Variants in B4GALNT3 observed in about 807,000 individuals in gnomAD.
The protein encoded by B4GALNT3 is beta-1,4-N-acetylgalactosaminyltransferase 3.
Under a neutral mutation model 120.2 loss-of-function variants are expected in B4GALNT3, and 86 were observed. That is an observed-to-expected ratio of 0.72 (90% CI 0.60 to 0.86). The LOEUF (loss-of-function observed/expected upper bound fraction) is 0.86, where lower values mean the gene tolerates loss of function less well. Among genes scored for constraint, B4GALNT3 ranks in the 40% least tolerant of loss-of-function variants. The probability of loss-of-function intolerance (pLI) is 0.00; values close to 1 mark genes in which losing one functional copy is unlikely to be tolerated. For synonymous variants in B4GALNT3, 518 were observed against 510.4 expected (o/e 1.01, Z -0.20); for missense variants, 1,167 against 1,298.9 (o/e 0.90, Z 1.56).
At position 556,835 on chromosome 12, in the gene B4GALNT3, T is replaced by A. The variant is rs1261271397; in HGVS notation, c.2349T>A (p.Ser783Arg). 1 of 1,608,308 alleles carries A rather than the reference T, an allele frequency of 6.2e-7. No individual in the cohort carries two copies. Among genetic ancestry groups the A allele is most frequent in the Non-Finnish European group, 8.5e-7 (1 of 1,175,630 alleles). ...GCTGGCCTCAGGGTTTCTCCTGGAG[T>A]CACCGAGCCGTGGTCCACTTCGTCG... The part of the protein sequence containing the change: ...KLCWPQGFSW[S>R]HRAVVHFVVP... Residue 783 changes from serine (S) to arginine (R), a missense_variant, in exon 15 of 20, where the codon AGT (serine) becomes AGA (arginine). By Grantham distance (110) the Ser-to-Arg change is moderately radical. Coordinates refer to ENST00000266383, the MANE Select transcript of B4GALNT3 (RefSeq NM_173593.4).
rs963788268 is a variant in B4GALNT3, at chr12:550,494, A to C, written c.998-428A>C. 1.3e-5 allele frequency among the ~76,000 whole-genome samples: 2 copies of C among 151,610 alleles called. No individual in the cohort carries two copies. The highest frequency in any genetic ancestry group is 2.9e-5 in the Non-Finnish European group (2 of 67,936). ...ACAGAGTGAGATCCTGTCAAAAAAAACAAACAAACAAAAAAAACAACAAAG... is the reference window on the plus strand; with the variant it reads ...ACAGAGTGAGATCCTGTCAAAAAAACCAAACAAACAAAAAAAACAACAAAG... On this transcript the variant is annotated intron_variant, in intron 10 of 19. Coordinates refer to ENST00000266383, the MANE Select transcript of B4GALNT3 (RefSeq NM_173593.4). This position sits in a 1 kb window ranked among gnomAD's most constrained non-coding sequence, Gnocchi z 4.1.
rs368241742 is a variant in B4GALNT3, at chr12:473,820, GAGAC to G, written c.169+13279_169+13282del. Among the ~76,000 whole-genome samples, 103 of 152,302 alleles carry G rather than the reference GAGAC, an allele frequency of 6.8e-4. 1 individual carries two copies. The highest frequency in any genetic ancestry group is 2.3e-3 in the African/African-American group (97 of 41,570). ...CAGAGCATACATTTCTGGTGAGGAAGAGACAGAGGATAATCGCGTAAACAAACAG... is the reference window on the plus strand; with the variant it reads ...CAGAGCATACATTTCTGGTGAGGAAGAGAGGATAATCGCGTAAACAAACAG... On this transcript the variant is annotated intron_variant, in intron 1 of 19. Transcript: ENST00000266383.
chr12:518,493 A>C (rs2286780), intron 1 of B4GALNT3, among the ~76,000 whole-genome samples: 114,496 of 152,086 alleles, frequency 0.75, 43,408 homozygotes, highest in East Asian at 0.86. Context: ...CTCACTGCAG[A>C]CTCCAACTCA....
chr12:524,818 G>T (rs1946746067), intron 1 of B4GALNT3, among the ~76,000 whole-genome samples: 2 of 152,196 alleles, frequency 1.3e-5, no homozygotes, highest in Non-Finnish European at 2.9e-5. Context: ...AAGATTAAAT[G>T]AGACCATTTA....
At chr12:542,417 T>G (rs2120683646) in intron 3 of B4GALNT3, among the ~76,000 whole-genome samples, 1 of 152,298 alleles carries the variant, frequency 6.6e-6, no homozygotes, top group Admixed American at 6.5e-5. Flanking sequence ...CACTTCTTCT[T>G]ATCTGGGTGT....
At chr12:478,886 A>G (rs1465290815) in intron 1 of B4GALNT3, among the ~76,000 whole-genome samples, 4 of 152,202 alleles carry the variant, frequency 2.6e-5, no homozygotes, top group African/African-American at 9.6e-5. Flanking sequence ...TCCCTGAAGG[A>G]AGTTTGGTCC....
At chr12:509,232 G>A (rs534090281) in intron 1 of B4GALNT3, among the ~76,000 whole-genome samples, 6 of 152,328 alleles carry the variant, frequency 3.9e-5, no homozygotes, top group African/African-American at 9.6e-5. Flanking sequence ...CTCAGATCCC[G>A]CCTAGGAGGG....
rs1457662236 is a variant in B4GALNT3, at chr12:558,131, G to C, written c.2607+43G>C. The C allele has an allele frequency of 2.5e-6, 4 of 1,595,194 alleles. No homozygotes were observed. In the East Asian group the frequency reaches 6.7e-5, roughly 27 times the overall value. ...GGCCTGCGAGATGGAATTCAAGGCT[G>C]GTTAAGAGGTAGAGAGACATTTGGG... On this transcript the variant is annotated intron_variant, in intron 17 of 19. Transcript: ENST00000266383.
At position 460,872 on chromosome 12, in the gene B4GALNT3, C is replaced by G. The variant is rs551884245; in HGVS notation, c.169+327C>G. On this transcript the variant is annotated intron_variant, in intron 1 of 19. Transcript: ENST00000266383. This position sits in a 1 kb window ranked among gnomAD's most constrained non-coding sequence, Gnocchi z 8.0. ...CGAGACGCTGGCGGAGACCGGGCCC[C>G]TCCAGCCGCTCCGGGCTTGCGGTTC... Among the ~76,000 whole-genome samples the G allele has an allele frequency of 6.6e-6, 1 of 152,290 alleles. No homozygotes were observed. Among genetic ancestry groups the G allele is most frequent in the South Asian group, 2.1e-4 (1 of 4,834 alleles).
intron 7 of B4GALNT3, among the ~76,000 whole-genome samples, chr12:547,106 C>G (rs968676491): frequency 6.6e-6 from 1 of 152,222 alleles, no homozygotes; most frequent in Non-Finnish European, 1.5e-5. Flanking sequence ...GTAGCGCGGC[C>G]TCAGAGCGCC....
chr12:527,552 A>G (rs1223011907), intron 1 of B4GALNT3, among the ~76,000 whole-genome samples: 4 of 152,204 alleles, frequency 2.6e-5, no homozygotes, highest in Non-Finnish European at 4.4e-5. Flanking sequence ...GCGTCGGGGA[A>G]GAGACTTATC....
At chr12:489,174 G>C (rs1323939285) in intron 1 of B4GALNT3, among the ~76,000 whole-genome samples, 5 of 150,374 alleles carry the variant, frequency 3.3e-5, no homozygotes, top group African/African-American at 1.2e-4. Context: ...GGGTTGGGGT[G>C]GGGGGGCAAG....
rs376110815 is a variant in B4GALNT3 at position 545,489 on chromosome 12, G to C, written c.639+20G>C. 6 of 1,575,246 alleles carry C rather than the reference G, an allele frequency of 3.8e-6. No homozygotes were observed. Among genetic ancestry groups the C allele is most frequent in the Non-Finnish European group, 5.2e-6 (6 of 1,159,442 alleles). Reference sequence around the variant, plus strand: ...GGCAAGGTAAGGCCAGCTCAACCCCGGTCCCTCCCATCTGCTCCTGGAGCC... The same window carrying C: ...GGCAAGGTAAGGCCAGCTCAACCCCCGTCCCTCCCATCTGCTCCTGGAGCC... On this transcript the variant is annotated intron_variant, in intron 6 of 19. Transcript: ENST00000266383.
chr12:556,410 C>T, intron 14 of B4GALNT3, 137 bp from the exon 15 acceptor site: 1 of 767,002 alleles, frequency 1.3e-6, no homozygotes, highest in Non-Finnish European at 2.1e-6. Flanking sequence ...TTGCCTGAGG[C>T]CCTATAGCCA....
chr12:488,467 A>G (rs1029753330), intron 1 of B4GALNT3, among the ~76,000 whole-genome samples: 7 of 152,242 alleles, frequency 4.6e-5, no homozygotes, highest in Non-Finnish European at 8.8e-5. Context: ...ATGCTCATAT[A>G]TACTGATGTA....
At chr12:480,826 G>A (rs964388998) in intron 1 of B4GALNT3, among the ~76,000 whole-genome samples, 4 of 152,300 alleles carry the variant, frequency 2.6e-5, no homozygotes, top group South Asian at 2.1e-4. Flanking sequence ...CGGGAGAGGC[G>A]CAGGGACTTG....
intron 1 of B4GALNT3, among the ~76,000 whole-genome samples, chr12:534,738 C>T (rs1417468721): frequency 6.6e-6 from 1 of 152,220 alleles, no homozygotes; most frequent in Admixed American, 6.5e-5. Context: ...GGGTCCCCAC[C>T]CATTAGTAAG....
In B4GALNT3 at chr12:547,178, A is replaced by G. The variant is rs11063526; in HGVS notation, c.707+465A>G. Among the ~76,000 whole-genome samples the G allele has an allele frequency of 5.8e-4, 53 of 90,774 alleles. 1 individual carries two copies. The East Asian group carries it at 8.5e-3, about 15-fold the overall frequency. 59.6% of individuals were successfully genotyped at this position (90,774 alleles called of 152,430 possible). A position where few individuals can be genotyped will look rare whatever the true frequency, so the allele number is the denominator to read the frequency against. On this transcript the variant is annotated intron_variant, in intron 7 of 19. Coordinates refer to ENST00000266383, the MANE Select transcript of B4GALNT3 (RefSeq NM_173593.4). ...AGCGGGCGTTGCTGGGCGTTGCTGG[A>G]CGTTGCTGGAAACGCTGGGAAGGAC...
intron 1 of B4GALNT3, among the ~76,000 whole-genome samples, chr12:511,339 T>TCCACCTTCAA (rs199673861): frequency 3.9e-5 from 2 of 51,122 alleles, no homozygotes; most frequent in Non-Finnish European, 7.8e-5. Flanking sequence ...CCTTCCACCT[T>TCCACCTTCAA]CCTTCCACCT....
Sources: allele counts gnomAD v4.1 joint callset (sites outside exome capture counted in the v4.1 genomes callset), GRCh38; gene constraint gnomAD v4.1.1; non-coding constraint Gnocchi (gnomAD v3.1); transcripts MANE v1.5; gene names NCBI Gene and HGNC (gene_info 2026-07-23, HGNC 2026-07-21).